The following CACNA1B variants were observed in gnomAD, a reference collection of about 807,000 sequenced individuals.
CACNA1B encodes the protein calcium voltage-gated channel subunit alpha1 B.
CACNA1B carries 70 observed loss-of-function variants against 247.2 expected under a neutral mutation model. The observed-to-expected ratio is 0.28, with a 90% CI of 0.23 to 0.35. The LOEUF (loss-of-function observed/expected upper bound fraction) is 0.35. CACNA1B is among the 10% of genes least tolerant of loss of function. The probability of loss-of-function intolerance (pLI) is 1.00; values close to 1 mark genes in which losing one functional copy is unlikely to be tolerated. For missense variants in CACNA1B, 2,367 were observed against 3,197.4 expected, an observed-to-expected ratio of 0.74 and a Z score of 6.26; for synonymous variants, 1,231 against 1,294.4, an observed-to-expected ratio of 0.95 and a Z score of 1.05.
In CACNA1B at chr9:138,054,062, T is replaced by C; in HGVS notation, c.3968+56T>C. ...CACAGCCCCATGATGCAGACAACAC[T>C]GGGAGTTCCCTTGGGACCAGGTGGA... On this transcript the variant is annotated intron_variant, in intron 26 of 46. Coordinates refer to ENST00000371372, the MANE Select transcript of CACNA1B (RefSeq NM_000718.4). This position sits in a 1 kb window ranked among gnomAD's most constrained non-coding sequence, Gnocchi z 4.6. 1 of 1,534,450 alleles carries C rather than the reference T, an allele frequency of 6.5e-7. No individual in the cohort carries two copies. The highest frequency in any genetic ancestry group is 9.0e-7 in the Non-Finnish European group (1 of 1,109,746).
chr9:138,118,007 GCACCCCATGAGGCCAGGC>G lies in CACNA1B; in HGVS notation c.5846_5863del (p.His1949_Pro1954del). ...CTGGGGCACTCAAAGGACCCAGGATGCACCCCATGAGGCCAGGCCACCCCTGGAGCGTGGCCACTCCAC... is the reference window on the plus strand; with the variant it reads ...CTGGGGCACTCAAAGGACCCAGGATGCACCCCTGGAGCGTGGCCACTCCAC... On this transcript the variant is annotated inframe_deletion, in exon 43 of 47. Transcript: ENST00000371372. 2 of 1,601,628 alleles carry G rather than the reference GCACCCCATGAGGCCAGGC, an allele frequency of 1.2e-6. No homozygotes were observed. Among genetic ancestry groups the G allele is most frequent in the Non-Finnish European group, 1.7e-6 (2 of 1,173,698 alleles).
At chr9:137,958,734 G>A (rs533210242) in intron 10 of CACNA1B, among the ~76,000 whole-genome samples, 8 of 152,254 alleles carry the variant, frequency 5.3e-5, no homozygotes, top group African/African-American at 1.9e-4. Flanking sequence ...AGTTCTGTGC[G>A]ACCCCACATT....
At chr9:138,105,981 G>T (rs1961411407) in intron 39 of CACNA1B, among the ~76,000 whole-genome samples, 174 bp downstream of exon 39, 1 of 152,148 alleles carries the variant, frequency 6.6e-6, no homozygotes, top group South Asian at 2.1e-4. Context: ...TTTTCGCCTG[G>T]TAACCGTCTG....
chr9:138,006,073 A>C (rs1402838163), intron 15 of CACNA1B, among the ~76,000 whole-genome samples: 1 of 150,970 alleles, frequency 6.6e-6, no homozygotes, highest in East Asian at 1.9e-4. Context: ...AAATTTAAAA[A>C]CCCCCACAAA....
chr9:137,963,854 G>C (rs1396029880), intron 10 of CACNA1B, among the ~76,000 whole-genome samples: 1 of 152,096 alleles, frequency 6.6e-6, no homozygotes, highest in Non-Finnish European at 1.5e-5. Context: ...TCCATATTTA[G>C]TGCTTCCATT....
chr9:137,966,740 A>G lies in CACNA1B; in HGVS notation c.1334-4643A>G, dbSNP rs528717022. ...TTTTTAGTAGAGAAGGAGTTTCACC[A>G]TGTTAGCCAGGACAGTCTCGATCTC... On this transcript the variant is annotated intron_variant, in intron 10 of 46. Transcript: ENST00000371372. Among the ~76,000 whole-genome samples, 179 of 140,084 alleles carry G rather than the reference A, an allele frequency of 1.3e-3. 1 individual carries two copies. Among genetic ancestry groups the G allele is most frequent in the Admixed American group, 3.1e-3 (43 of 13,994 alleles). 91.9% of individuals were successfully genotyped at this position (140,084 alleles called of 152,430 possible). A position where few individuals can be genotyped will look rare whatever the true frequency, so the allele number is the denominator to read the frequency against.
Position 137,961,272 on chromosome 9 carries a change from G to A in CACNA1B, c.1333+3585G>A, listed in dbSNP as rs117443820. Among the ~76,000 whole-genome samples the A allele has an allele frequency of 6.3e-3, 953 of 152,264 alleles. 5 individuals are homozygous for A. The highest frequency in any genetic ancestry group is 0.012 in the Non-Finnish European group (801 of 68,006). On this transcript the variant is annotated intron_variant, in intron 10 of 46. Transcript: ENST00000371372. The stretch of plus-strand genomic sequence containing the variant: ...TGTATCCTGAGACTTAGCTGAAGTT[G>A]TTTATCAGCTTGAGAATATTTTGGG...
At chr9:138,019,826 C>T (rs1006877294) in intron 18 of CACNA1B, among the ~76,000 whole-genome samples, 1 of 152,054 alleles carries the variant, frequency 6.6e-6, no homozygotes, top group Non-Finnish European at 1.5e-5. Context: ...TGGCCGGGCG[C>T]GCTGGCTCAC....
chr9:137,892,652 G>A (rs540061920), intron 3 of CACNA1B: 100 of 341,486 alleles, frequency 2.9e-4, no homozygotes, highest in Non-Finnish European at 4.6e-4. Flanking sequence ...CAGGAGGGAC[G>A]TCCCCCAGCA....
chr9:137,908,447 C>T (rs1395549073), intron 3 of CACNA1B, among the ~76,000 whole-genome samples: 5 of 151,594 alleles, frequency 3.3e-5, no homozygotes, highest in South Asian at 2.1e-4. Context: ...ACCCAGGAGG[C>T]GGAGGTTACA....
chr9:137,992,328 TA>T (rs1189262319), intron 15 of CACNA1B, among the ~76,000 whole-genome samples: 1 of 152,098 alleles, frequency 6.6e-6, no homozygotes, highest in African/African-American at 2.4e-5. Context: ...CAACAGCACT[TA>T]AAAAAGACAA....
chr9:137,893,205 G>A (rs1306960132), intron 3 of CACNA1B, among the ~76,000 whole-genome samples: 3 of 148,862 alleles, frequency 2.0e-5, no homozygotes, highest in African/African-American at 7.4e-5. Flanking sequence ...GACATGAAAA[G>A]GTAAAAGAAA....
Position 137,954,856 on chromosome 9 carries a change from T to TGTGTGTGTGTGTGTGTGTGTGTG in CACNA1B, c.1071-842_1071-841insGTGTGTGTGTGTGTGTGTGTGTG, listed in dbSNP as rs1554737971. On this transcript the variant is annotated intron_variant, in intron 7 of 46. Coordinates refer to ENST00000371372, the MANE Select transcript of CACNA1B (RefSeq NM_000718.4). This position sits in a 1 kb window ranked among gnomAD's most constrained non-coding sequence, Gnocchi z 4.1. ...ACACCCACTCCACCAACTCAGAAGC[T>TGTGTGTGTGTGTGTGTGTGTGTG]TGTGTGTGTGTGTGTGTGTGTGTGA... 1.7e-4 allele frequency among the ~76,000 whole-genome samples: 21 copies of TGTGTGTGTGTGTGTGTGTGTGTG among 120,988 alleles called. No homozygotes were observed. Among genetic ancestry groups the TGTGTGTGTGTGTGTGTGTGTGTG allele is most frequent in the African/African-American group, 5.9e-4 (15 of 25,334 alleles). The allele number at this position is 120,988 out of a possible 152,430, so 79.4% of individuals were successfully genotyped here.
intron 18 of CACNA1B, 81 bp from the exon 19 acceptor site, chr9:138,022,930 G>A: frequency 7.0e-7 from 1 of 1,420,334 alleles, no homozygotes; most frequent in Non-Finnish European, 9.1e-7. Flanking sequence ...TTACTCCATT[G>A]CTGTGTGTGC....
rs1446227865 is a variant in CACNA1B, at chr9:137,889,118, C to T, written c.530+6235C>T. On this transcript the variant is annotated intron_variant, in intron 3 of 46. Coordinates refer to ENST00000371372, the MANE Select transcript of CACNA1B (RefSeq NM_000718.4). ...CCAGAGACGCTGCCTTCCCACAAGG[C>T]GACCTGACACTGTGTCTGAACACAG... Among the ~76,000 whole-genome samples the T allele has an allele frequency of 6.7e-5, 10 of 150,370 alleles. No homozygotes were observed. In the East Asian group the frequency reaches 7.7e-4, roughly 12 times the overall value.
At chr9:137,915,651 A>G (rs1429917053) in intron 5 of CACNA1B, among the ~76,000 whole-genome samples, 4 of 152,034 alleles carry the variant, frequency 2.6e-5, no homozygotes, top group Non-Finnish European at 5.9e-5. Flanking sequence ...CTTTAATCCA[A>G]CTGTAAATAA....
rs936766099 is a variant in CACNA1B at position 138,057,236 on chromosome 9, C to T, written c.3969-496C>T. Among the ~76,000 whole-genome samples, 2 of 152,164 alleles carry T rather than the reference C, an allele frequency of 1.3e-5. No homozygotes were observed. The highest frequency in any genetic ancestry group is 4.8e-5 in the African/African-American group (2 of 41,438). On this transcript the variant is annotated intron_variant, in intron 26 of 46. Transcript: ENST00000371372. The surrounding 1 kb of genome is among the most constrained non-coding windows in gnomAD (Gnocchi z 4.0). The stretch of plus-strand genomic sequence containing the variant: ...ACAGGCGTGAGCCACCGCGCCCGGC[C>T]TTTTTTATTTATTAGAATAGTTATT...
intron 6 of CACNA1B, among the ~76,000 whole-genome samples, chr9:137,939,530 T>C (rs964826701): frequency 6.6e-6 from 1 of 152,148 alleles, no homozygotes; most frequent in African/African-American, 2.4e-5. Context: ...CCGGATGTGG[T>C]GGCTCACACC....
At chr9:138,049,429 C>A in intron 24 of CACNA1B, 114 bp downstream of exon 24, 1 of 741,410 alleles carries the variant, frequency 1.3e-6, no homozygotes. Context: ...CTGCCTGTGG[C>A]TCTGTTGCTG....
Sources: gnomAD v4.1 joint callset for allele counts (sites outside exome capture counted in the v4.1 genomes callset) on GRCh38, gnomAD v4.1.1 for gene constraint, Gnocchi (gnomAD v3.1) non-coding constraint, MANE v1.5 for transcripts, NCBI Gene and HGNC (gene_info 2026-07-23, HGNC 2026-07-21) for gene names.